Variants in CTNNA3 observed in about 807,000 individuals in gnomAD.
CTNNA3 encodes catenin alpha-3.
A neutral mutation model predicts 95.7 loss-of-function variants in CTNNA3; 76 were observed. The ratio of observed to expected loss-of-function variants is 0.79; its 90% confidence interval spans 0.66 to 0.96. The LOEUF (loss-of-function observed/expected upper bound fraction) is 0.96, where lower values mean the gene tolerates loss of function less well. Ranked by LOEUF, CTNNA3 falls within the 40% of genes least tolerant of loss-of-function variation. CTNNA3 has a pLI of 0.00. For synonymous variants in CTNNA3, 431 were observed against 374.4 expected (o/e 1.15, Z -1.74); for missense variants, 1,191 against 1,089.8 (o/e 1.09, Z -1.31).
At chr10:66,463,832 T>C (rs2093545775) in intron 11 of CTNNA3, among the ~76,000 whole-genome samples, 1 of 151,666 alleles carries the variant, frequency 6.6e-6, no homozygotes, top group Admixed American at 6.6e-5. Flanking sequence ...AGAACGATGC[T>C]CTGGCAAAAG....
intron 9 of CTNNA3, among the ~76,000 whole-genome samples, chr10:66,734,492 C>A (rs1180372629): frequency 6.6e-6 from 1 of 152,072 alleles, no homozygotes; most frequent in East Asian, 1.9e-4. Context: ...TGGTGGAGAA[C>A]TATTTTTACA....
intron 12 of CTNNA3, among the ~76,000 whole-genome samples, chr10:66,362,161 T>C (rs997847306): frequency 2.0e-5 from 3 of 147,574 alleles, no homozygotes; most frequent in African/African-American, 7.5e-5. Flanking sequence ...GGAGTGCAGT[T>C]GTGCGATCTC....
chr10:66,259,615 C>T (rs1392121323), intron 13 of CTNNA3, among the ~76,000 whole-genome samples: 1 of 152,158 alleles, frequency 6.6e-6, no homozygotes, highest in African/African-American at 2.4e-5. Flanking sequence ...CAGTCTACTT[C>T]AAACCCTAGA....
intron 10 of CTNNA3, among the ~76,000 whole-genome samples, chr10:66,521,098 C>G (rs564786798): frequency 4.0e-4 from 60 of 151,290 alleles, no homozygotes; most frequent in African/African-American, 1.4e-3. Flanking sequence ...TAAATACATT[C>G]ATCATCGACA....
At chr10:65,934,319 G>C (rs1458311521) in intron 17 of CTNNA3, among the ~76,000 whole-genome samples, 1 of 152,102 alleles carries the variant, frequency 6.6e-6, no homozygotes, top group Non-Finnish European at 1.5e-5. Context: ...AGCTGCAGCT[G>C]TTTCTCTCCA....
chr10:67,539,170 CAT>C (rs1228948055), intron 4 of CTNNA3, among the ~76,000 whole-genome samples: 1 of 152,022 alleles, frequency 6.6e-6, no homozygotes, highest in Admixed American at 6.6e-5. Context: ...TATTTATACT[CAT>C]ATGTTTATCA....
intron 7 of CTNNA3, among the ~76,000 whole-genome samples, chr10:67,153,832 CT>C (rs1861185581): frequency 6.6e-6 from 1 of 151,858 alleles, no homozygotes; most frequent in South Asian, 2.1e-4. Flanking sequence ...CAAAATGTTC[CT>C]TTTTTTCATA....
intron 11 of CTNNA3, among the ~76,000 whole-genome samples, chr10:66,454,231 G>A (rs1163993219): frequency 1.3e-5 from 2 of 152,166 alleles, no homozygotes; most frequent in Non-Finnish European, 2.9e-5. Flanking sequence ...CTAGACTGCA[G>A]AACTGTAAGA....
intron 7 of CTNNA3, among the ~76,000 whole-genome samples, chr10:66,941,522 G>C (rs1847994713): frequency 6.6e-6 from 1 of 152,002 alleles, no homozygotes; most frequent in Non-Finnish European, 1.5e-5. Flanking sequence ...CAACTGTATG[G>C]AATTTGAATC....
chr10:67,723,357 T>C (rs1841191208), intron 1 of CTNNA3, among the ~76,000 whole-genome samples: 1 of 149,328 alleles, frequency 6.7e-6, no homozygotes, highest in Admixed American at 6.7e-5. Flanking sequence ...AGTGATGCAA[T>C]CGTGGCTCAC....
rs1029323238 is a variant in CTNNA3 at position 66,825,116 on chromosome 10, G to A, written c.1048-49592C>T. ...CAGGCCAGAGTGTGCCCTTACAAAT[G>A]GCCACATATTAAAAGCACATTCATA... On this transcript the variant is annotated intron_variant, in intron 7 of 17. Coordinates refer to ENST00000433211, the MANE Select transcript of CTNNA3 (RefSeq NM_013266.4). Among the ~76,000 whole-genome samples the A allele has an allele frequency of 4.0e-5, 6 of 150,200 alleles. No individual in the cohort carries two copies. In the East Asian group the frequency reaches 1.2e-3, roughly 29 times the overall value.
chr10:65,963,857 AT>A (rs1315567134), intron 17 of CTNNA3, among the ~76,000 whole-genome samples: 49 of 152,306 alleles, frequency 3.2e-4, no homozygotes, highest in African/African-American at 1.1e-3. Flanking sequence ...TTATAAGAAT[AT>A]CTCTCAGGTT....
Position 67,635,443 on chromosome 10 carries a change from G to A in CTNNA3, c.99+11972C>T, listed in dbSNP as rs192063969. Among the ~76,000 whole-genome samples, 64 of 152,030 alleles carry A rather than the reference G, an allele frequency of 4.2e-4. No homozygotes were observed. The East Asian group carries it at 5.0e-3, about 12-fold the overall frequency. On this transcript the variant is annotated intron_variant, in intron 2 of 17. Coordinates refer to ENST00000433211, the MANE Select transcript of CTNNA3 (RefSeq NM_013266.4). ...CAATAATATACTGGCAAACTGAATC[G>A]AAGAGAACATCAAAAAAATTATCCA...
chr10:67,086,053 C>T (rs1417889513), intron 7 of CTNNA3, among the ~76,000 whole-genome samples: 1 of 151,816 alleles, frequency 6.6e-6, no homozygotes, highest in Non-Finnish European at 1.5e-5. Context: ...GTTTCATTCA[C>T]CCAAGATCTC....
intron 7 of CTNNA3, among the ~76,000 whole-genome samples, chr10:67,004,539 A>G (rs1001561491): frequency 5.3e-5 from 8 of 152,046 alleles, no homozygotes; most frequent in Admixed American, 5.2e-4. Flanking sequence ...AACACAAGAT[A>G]TTTGTGGCTT....
chr10:66,538,890 A>T (rs1405841952), intron 10 of CTNNA3, among the ~76,000 whole-genome samples: 1 of 152,162 alleles, frequency 6.6e-6, no homozygotes, highest in African/African-American at 2.4e-5. Context: ...TGGTGTTTTT[A>T]AAAAATTTTC....
intron 9 of CTNNA3, among the ~76,000 whole-genome samples, chr10:66,742,859 G>A (rs1849374057): frequency 6.6e-6 from 1 of 152,094 alleles, no homozygotes; most frequent in Non-Finnish European, 1.5e-5. Flanking sequence ...CTCTGGTGAT[G>A]GAATATTTTA....
intron 5 of CTNNA3, among the ~76,000 whole-genome samples, chr10:67,467,007 G>T (rs117971151): frequency 1.3e-5 from 2 of 152,044 alleles, no homozygotes; most frequent in African/African-American, 4.8e-5. Context: ...GCACAGTAGC[G>T]CACATCTATA....
rs1280868388 is a variant in CTNNA3 at position 65,953,559 on chromosome 10, C to T, written c.2400+13053G>A. ...CCTCCACCCACCCCATGACAGGCCC[C>T]GGTGTGTGATGTTCCCCACCCTGTG... On this transcript the variant is annotated intron_variant, in intron 17 of 17. Coordinates refer to ENST00000433211, the MANE Select transcript of CTNNA3 (RefSeq NM_013266.4). 3.9e-5 allele frequency among the ~76,000 whole-genome samples: 6 copies of T among 151,990 alleles called. No individual in the cohort carries two copies. The East Asian group carries it at 7.8e-4, about 20-fold the overall frequency.
Sources: allele counts gnomAD v4.1 joint callset (sites outside exome capture counted in the v4.1 genomes callset), GRCh38; gene constraint gnomAD v4.1.1; transcripts MANE v1.5; gene names NCBI Gene and HGNC (gene_info 2026-07-23, HGNC 2026-07-21).